Variants in CUBN observed in about 807,000 individuals in gnomAD.
CUBN encodes the protein cubilin, also known as 460 kDa receptor.
Under a neutral mutation model 405.3 loss-of-function variants are expected in CUBN, and 282 were observed. The ratio of observed to expected loss-of-function variants is 0.70; its 90% CI spans 0.63 to 0.77. The LOEUF (loss-of-function observed/expected upper bound fraction) is 0.77, where lower values mean the gene tolerates loss of function less well. CUBN is among the 30% of genes least tolerant of loss of function. The pLI is 0.00. For missense variants in CUBN, 4,514 were observed against 4,475.2 expected (o/e 1.01, Z -0.25); for synonymous variants, 1,684 against 1,617.0 (o/e 1.04, Z -0.99).
intron 31 of CUBN, among the ~76,000 whole-genome samples, chr10:16,973,919 C>G (rs1323883851): frequency 6.6e-6 from 1 of 152,110 alleles, no homozygotes; most frequent in Non-Finnish European, 1.5e-5. Context: ...GATTCCATGC[C>G]TTTGCTATCG....
Position 16,904,096 on chromosome 10 carries a change from C to A in CUBN, c.7932G>T (p.Leu2644=). The stretch of plus-strand genomic sequence containing the variant: ...TTGAAGGACCACAAAGTCTCCACAT[C>A]AGGGGCCCATCAGCATCACCTGAAC... ...EFRVGDADGP[L]MWRLCGPSKP... is the part of the protein sequence containing the mutation. The change falls in exon 51 of 67, where the codon CTG becomes CTT. Residue 2644 remains leucine, a synonymous_variant. Coordinates refer to ENST00000377833, the MANE Select transcript of CUBN (RefSeq NM_001081.4). 1 of 1,613,932 alleles carries A rather than the reference C, an allele frequency of 6.2e-7. No homozygotes were observed. The highest frequency in any genetic ancestry group is 8.5e-7 in the Non-Finnish European group (1 of 1,179,854).
chr10:16,925,927 A>G (rs965219619), intron 41 of CUBN, among the ~76,000 whole-genome samples, 153 bp from the exon 42 acceptor site: 1 of 152,216 alleles, frequency 6.6e-6, no homozygotes, highest in Non-Finnish European at 1.5e-5. Context: ...CATAACAAGC[A>G]TGTATTGAGC....
chr10:17,089,844 A>T (rs1487273182), intron 14 of CUBN, among the ~76,000 whole-genome samples: 1 of 152,170 alleles, frequency 6.6e-6, no homozygotes, highest in Non-Finnish European at 1.5e-5. Flanking sequence ...TGGAAACAAG[A>T]CTGGGTGTGA....
chr10:16,869,164 A>ATTTTTTTTTT (rs72310717), intron 59 of CUBN, among the ~76,000 whole-genome samples: 1 of 121,162 alleles, frequency 8.3e-6, no homozygotes, highest in Admixed American at 8.7e-5. Context: ...TACCAAAGTG[A>ATTTTTTTTTT]TTTTTTTTTT....
At chr10:16,923,662 G>T (rs1033819914) in intron 43 of CUBN, among the ~76,000 whole-genome samples, 1 of 152,188 alleles carries the variant, frequency 6.6e-6, no homozygotes, top group Non-Finnish European at 1.5e-5. Context: ...AACCATACTT[G>T]CATGAACAGT....
chr10:16,999,693 C>T (rs1162461758), intron 28 of CUBN, among the ~76,000 whole-genome samples: 1 of 152,202 alleles, frequency 6.6e-6, no homozygotes, highest in Non-Finnish European at 1.5e-5. Flanking sequence ...CAAACAAAGA[C>T]AGAGAAAACA....
intron 24 of CUBN, 112 bp from the exon 25 acceptor site, chr10:17,045,300 A>G (rs754700481): frequency 2.2e-4 from 221 of 1,000,684 alleles, no homozygotes; most frequent in Non-Finnish European, 5.4e-5. Context: ...CAAATTGCAC[A>G]GCAAAATGGC....
At position 17,046,490 on chromosome 10, in the gene CUBN, T is replaced by A. The variant is rs12413462; in HGVS notation, c.3330-396A>T. Among the ~76,000 whole-genome samples the A allele has an allele frequency of 0.11, 16,556 of 152,164 alleles. 1,617 individuals carry two copies. Among genetic ancestry groups the A allele is most frequent in the African/African-American group, 0.25 (10,457 of 41,476 alleles). On this transcript the variant is annotated intron_variant, in intron 23 of 66. Transcript: ENST00000377833. Reference sequence around the variant, plus strand: ...AATCTTTCAACGTTTTCCTTCTGATTTGGAAATTTTTGAAATGTAATATAT... The same window carrying A: ...AATCTTTCAACGTTTTCCTTCTGATATGGAAATTTTTGAAATGTAATATAT...
chr10:16,948,491 G>T lies in CUBN; in HGVS notation c.5196C>A (p.Thr1732=), dbSNP rs182162293. The T allele has an allele frequency of 6.2e-7, 1 of 1,613,802 alleles. No individual in the cohort carries two copies. Among genetic ancestry groups the T allele is most frequent in the African/African-American group, 1.3e-5 (1 of 74,902 alleles). The change falls in exon 35 of 67, where the codon ACC becomes ACA. Residue 1732 remains threonine, a synonymous_variant. Coordinates refer to ENST00000377833, the MANE Select transcript of CUBN (RefSeq NM_001081.4). The stretch of plus-strand genomic sequence containing the variant: ...AGGGTTTCTTACCCGACACTGATGC[G>T]GTGACCGTGGTGTGGAAACCCCCAG... ...ISAGGFHTTV[T]ASVSACGGTF...
rs563894028 is a variant in CUBN at position 16,914,907 on chromosome 10, T to C, written c.7351+125A>G. ...TTCATTTATCACTGTGAATTTCTGA[T>C]TAAGGTCCAAGAAAATAGGGGTCAT... On this transcript the variant is annotated intron_variant, in intron 47 of 66. Transcript: ENST00000377833. 1.9e-5 allele frequency: 16 copies of C among 839,422 alleles called. No individual in the cohort carries two copies. The South Asian group carries it at 2.0e-4, about 11-fold the overall frequency. The allele number at this position is 839,422 out of a possible 1,614,324, so 52.0% of individuals were successfully genotyped here. A position where few individuals can be genotyped will look rare whatever the true frequency, so the allele number is the denominator to read the frequency against.
chr10:17,005,801 C>T (rs763494289), intron 28 of CUBN, among the ~76,000 whole-genome samples: 1 of 152,128 alleles, frequency 6.6e-6, no homozygotes, highest in African/African-American at 2.4e-5. Flanking sequence ...TGTATCTCTG[C>T]CAAAATTCAT....
chr10:16,955,378 A>C (rs1459589090), intron 31 of CUBN, among the ~76,000 whole-genome samples: 278 of 62,644 alleles, frequency 4.4e-3, no homozygotes, highest in African/African-American at 0.027. Flanking sequence ...CTGTCTCAAA[A>C]AAAAAAAAAA....
At chr10:16,972,230 TA>T (rs911971150) in intron 31 of CUBN, among the ~76,000 whole-genome samples, 5 of 152,074 alleles carry the variant, frequency 3.3e-5, no homozygotes, top group African/African-American at 1.2e-4. Flanking sequence ...TTTCTCTTGG[TA>T]AAATACTCCT....
rs184427588 is a variant in CUBN at position 17,004,722 on chromosome 10, C to T, written c.4169-14207G>A. Reference sequence around the variant, plus strand: ...TCTCACTCTATTGCCCAGGCTGGAGCGCAGTGGTGCCATCTTGGCTCACTG... The same window carrying T: ...TCTCACTCTATTGCCCAGGCTGGAGTGCAGTGGTGCCATCTTGGCTCACTG... On this transcript the variant is annotated intron_variant, in intron 28 of 66. Transcript: ENST00000377833. Among the ~76,000 whole-genome samples the T allele has an allele frequency of 1.4e-3, 212 of 148,330 alleles. 3 individuals are homozygous for T. Among genetic ancestry groups the T allele is most frequent in the Admixed American group, 1.4e-3 (20 of 14,690 alleles).
At chr10:16,883,837 G>A (rs993780457) in intron 56 of CUBN, among the ~76,000 whole-genome samples, 1 of 152,162 alleles carries the variant, frequency 6.6e-6, no homozygotes, top group Admixed American at 6.5e-5. Flanking sequence ...TCCAATGCTT[G>A]TCAAGAATTA....
At chr10:16,954,733 G>A (rs747324670) in intron 31 of CUBN, among the ~76,000 whole-genome samples, 185 bp from the exon 32 acceptor site, 3 of 152,124 alleles carry the variant, frequency 2.0e-5, no homozygotes, top group Non-Finnish European at 4.4e-5. Flanking sequence ...GGATGCTGAC[G>A]TGAATTTCAG....
chr10:17,042,266 T>C (rs562948834), intron 26 of CUBN, among the ~76,000 whole-genome samples: 13 of 152,280 alleles, frequency 8.5e-5, no homozygotes, highest in Admixed American at 5.9e-4. Flanking sequence ...AATCTTATTG[T>C]TTTAGAAGAC....
chr10:16,938,331 C>A (rs1842572955), intron 38 of CUBN, among the ~76,000 whole-genome samples: 1 of 152,170 alleles, frequency 6.6e-6, no homozygotes, highest in Admixed American at 6.5e-5. Context: ...GTTTTAAAAT[C>A]TCAAATTACC....
intron 39 of CUBN, 48 bp from the exon 40 acceptor site, chr10:16,933,332 C>A (rs373723818): frequency 1.3e-6 from 2 of 1,546,542 alleles, no homozygotes; most frequent in Non-Finnish European, 8.9e-7. Context: ...ATGGAAAAGA[C>A]GCTAGCTAGC....
Sources: allele counts gnomAD v4.1 joint callset (sites outside exome capture counted in the v4.1 genomes callset), GRCh38; gene constraint gnomAD v4.1.1; transcripts MANE v1.5; gene names NCBI Gene and HGNC (gene_info 2026-07-23, HGNC 2026-07-21).